The following GABRA3 variants were observed in gnomAD, a reference collection of about 807,000 sequenced individuals.
GABRA3 encodes gamma-aminobutyric acid receptor subunit alpha-3.
A neutral mutation model predicts 30.1 loss-of-function variants in GABRA3; 10 were observed. The ratio of observed to expected loss-of-function variants is 0.33; its 90% CI spans 0.20 to 0.56. The LOEUF is 0.56. Ranked by LOEUF, GABRA3 falls within the 20% of genes least tolerant of loss-of-function variation. The pLI, the probability that GABRA3 is intolerant of heterozygous loss-of-function variation, is 0.89. For synonymous variants in GABRA3, 151 were observed against 146.8 expected (o/e 1.03, Z -0.21); for missense variants, 233 against 392.0 (o/e 0.59, Z 3.42).
intron 1 of GABRA3, among the ~76,000 whole-genome samples, chrX:152,444,552 A>T (rs867877484): frequency 2.7e-5 from 3 of 110,416 alleles, no homozygotes; most frequent in Non-Finnish European, 5.7e-5. Flanking sequence ...AACCATTCAC[A>T]CTGAAAACAG....
chrX:152,320,230 C>T (rs1939941391), intron 3 of GABRA3, among the ~76,000 whole-genome samples: 1 of 111,294 alleles, frequency 9.0e-6, no homozygotes, highest in Non-Finnish European at 1.9e-5. Flanking sequence ...GATATCTACC[C>T]AGAAAAAAAG....
intron 1 of GABRA3, chrX:152,392,219 T>C (rs1444770415): frequency 5.2e-6 from 2 of 385,674 alleles, no homozygotes; most frequent in Non-Finnish European, 1.0e-5. Flanking sequence ...GTAGCAAAAG[T>C]AGACACCGTA....
intron 4 of GABRA3, among the ~76,000 whole-genome samples, chrX:152,282,633 G>T (rs1939219005): frequency 9.0e-6 from 1 of 111,702 alleles, no homozygotes; most frequent in Non-Finnish European, 1.9e-5. Flanking sequence ...GAAACTTCAA[G>T]AGACATAGAC....
At chrX:152,326,019 G>A (rs1051146238) in intron 3 of GABRA3, among the ~76,000 whole-genome samples, 5 of 111,094 alleles carry the variant, frequency 4.5e-5, no homozygotes, top group Non-Finnish European at 9.4e-5. Flanking sequence ...ATGACCTGAC[G>A]GAGCTGAAAA....
At chrX:152,343,938 A>G (rs922342566) in intron 3 of GABRA3, among the ~76,000 whole-genome samples, 7 of 111,517 alleles carry the variant, frequency 6.3e-5, no homozygotes, top group African/African-American at 2.3e-4. Flanking sequence ...GCACACACAC[A>G]TACATATACA....
intron 3 of GABRA3, among the ~76,000 whole-genome samples, chrX:152,297,270 T>C (rs1939546669): frequency 8.9e-6 from 1 of 111,740 alleles, no homozygotes; most frequent in Non-Finnish European, 1.9e-5. Context: ...AGGCCACATA[T>C]AGTTGTTGGA....
intron 3 of GABRA3, among the ~76,000 whole-genome samples, chrX:152,328,997 CAA>C (rs1940115783): frequency 1.8e-5 from 2 of 112,253 alleles, no homozygotes; most frequent in Non-Finnish European, 3.8e-5. Flanking sequence ...GCAACTTCAG[CAA>C]AGTCTCTGGA....
rs185893642 is a variant in GABRA3 at position 152,276,691 on chromosome X, A to T, written c.330+7977T>A. ...TGTAATAATCTTTGATAGTTAAAATAAATGAATTAGAGTAAAATACACAAA... is the reference window on the plus strand; with the variant it reads ...TGTAATAATCTTTGATAGTTAAAATTAATGAATTAGAGTAAAATACACAAA... On this transcript the variant is annotated intron_variant, in intron 4 of 9. Coordinates refer to ENST00000370314, the MANE Select transcript of GABRA3 (RefSeq NM_000808.4). Among the ~76,000 whole-genome samples, 4 of 112,258 alleles carry T rather than the reference A, an allele frequency of 3.6e-5. No homozygotes were observed. In the East Asian group the frequency reaches 8.3e-4, roughly 23 times the overall value.
chrX:152,336,068 G>T (rs1311363090), intron 3 of GABRA3, among the ~76,000 whole-genome samples: 1 of 111,014 alleles, frequency 9.0e-6, no homozygotes, highest in African/African-American at 3.3e-5. Flanking sequence ...TAGCACAGAG[G>T]TCCAAGGAAA....
At chrX:152,281,716 G>A (rs1384949553) in intron 4 of GABRA3, among the ~76,000 whole-genome samples, 1 of 111,386 alleles carries the variant, frequency 9.0e-6, no homozygotes, top group Non-Finnish European at 1.9e-5. Flanking sequence ...AATCACTAAT[G>A]TCTCCTGAGG....
chrX:152,325,738 A>G (rs186358076), intron 3 of GABRA3, among the ~76,000 whole-genome samples: 26 of 111,809 alleles, frequency 2.3e-4, no homozygotes, highest in Admixed American at 1.6e-3. Context: ...AACCACAAAG[A>G]TGGGGAGAAA....
intron 1 of GABRA3, among the ~76,000 whole-genome samples, chrX:152,383,118 G>T (rs1929189645): frequency 9.1e-6 from 1 of 109,358 alleles, no homozygotes; most frequent in Non-Finnish European, 1.9e-5. Flanking sequence ...CAGGCATGGT[G>T]GCTCACACCT....
At chrX:152,172,563 A>G (rs1937016585) in intron 9 of GABRA3, among the ~76,000 whole-genome samples, 1 of 111,890 alleles carries the variant, frequency 8.9e-6, no homozygotes, top group Non-Finnish European at 1.9e-5. Context: ...TCGAGAGAAC[A>G]ATAAACAAAA....
At chrX:152,416,680 T>A (rs1163725853) in intron 1 of GABRA3, among the ~76,000 whole-genome samples, 1 of 110,805 alleles carries the variant, frequency 9.0e-6, no homozygotes, top group Non-Finnish European at 1.9e-5. Context: ...AACAGAGATA[T>A]AGATCAATGG....
At chrX:152,385,503 G>A (rs1009442768) in intron 1 of GABRA3, among the ~76,000 whole-genome samples, 4 of 111,933 alleles carry the variant, frequency 3.6e-5, no homozygotes, top group African/African-American at 1.3e-4. Context: ...CAAGCAAGAA[G>A]CCACAAAGGT....
intron 5 of GABRA3, among the ~76,000 whole-genome samples, chrX:152,232,385 T>A (rs1244667334): frequency 9.1e-6 from 1 of 109,822 alleles, no homozygotes; most frequent in Non-Finnish European, 1.9e-5. Flanking sequence ...TTGTGCCATT[T>A]AGGTAATTTC....
intron 5 of GABRA3, among the ~76,000 whole-genome samples, chrX:152,244,161 T>C (rs1210214327): frequency 8.9e-6 from 1 of 112,123 alleles, no homozygotes; most frequent in Non-Finnish European, 1.9e-5. Flanking sequence ...TCTCCTGAAC[T>C]AGATTGAATA....
chrX:152,243,276 A>G (rs921552482), intron 5 of GABRA3, among the ~76,000 whole-genome samples: 1 of 111,797 alleles, frequency 8.9e-6, no homozygotes, highest in Non-Finnish European at 1.9e-5. Flanking sequence ...CTATTGTACA[A>G]CATGGTGAGT....
At position 152,228,967 on chromosome X, in the gene GABRA3, T is replaced by C. The variant is rs146321803; in HGVS notation, c.552-4122A>G. On this transcript the variant is annotated intron_variant, in intron 5 of 9. Coordinates refer to ENST00000370314, the MANE Select transcript of GABRA3 (RefSeq NM_000808.4). The stretch of plus-strand genomic sequence containing the variant: ...TATCTATTCCAGAGGATTATCACTA[T>C]CATCATTATTATTTTTACTAAATAT... 4.7e-3 allele frequency among the ~76,000 whole-genome samples: 528 copies of C among 111,371 alleles called. 5 individuals are homozygous for C. Among genetic ancestry groups the C allele is most frequent in the African/African-American group, 0.016 (499 of 30,674 alleles).
Sources: allele counts gnomAD v4.1 joint callset (sites outside exome capture counted in the v4.1 genomes callset), GRCh38; gene constraint gnomAD v4.1.1; transcripts MANE v1.5; gene names NCBI Gene and HGNC (gene_info 2026-07-23, HGNC 2026-07-21).